The following MAD2L2 variants were observed in gnomAD, a reference collection of about 807,000 sequenced individuals.
The protein encoded by MAD2L2 is mitotic arrest deficient 2 like 2.
MAD2L2 carries 17 observed loss-of-function variants against 30.5 expected under a neutral mutation model. The observed-to-expected ratio is 0.56, with a 90% CI of 0.38 to 0.84. MAD2L2 has a LOEUF of 0.84. Among genes scored for constraint, MAD2L2 ranks in the 40% least tolerant of loss-of-function variants. The probability of loss-of-function intolerance (pLI) is 0.00; values close to 1 mark genes in which losing one functional copy is unlikely to be tolerated. For synonymous variants in MAD2L2, 101 were observed against 113.9 expected (o/e 0.89, Z 0.72); for missense variants, 213 against 277.4 (o/e 0.77, Z 1.65).
chr1:11,676,144 GGAGT>G lies in MAD2L2; in HGVS notation c.333-8_333-5del. ...ATGAGACAACAGCGAGTCTGAGCTG[GGAGT>G]GAGAGGAGGTCTTCCCATCACACTG... On this transcript the variant is annotated splice_region_variant and splice_polypyrimidine_tract_variant and intron_variant, in intron 5 of 8. Transcript: ENST00000376692. 1 of 1,580,330 alleles carries G rather than the reference GGAGT, an allele frequency of 6.3e-7. No homozygotes were observed. Among genetic ancestry groups the G allele is most frequent in the South Asian group, 1.2e-5 (1 of 86,688 alleles).
intron 3 of MAD2L2, among the ~76,000 whole-genome samples, chr1:11,679,278 C>T (rs997523994): frequency 3.9e-5 from 6 of 152,186 alleles, no homozygotes; most frequent in African/African-American, 7.2e-5. Flanking sequence ...GGACTTGAAG[C>T]GGGGACCACC....
At chr1:11,689,889 C>T (rs184985701) in intron 1 of MAD2L2, among the ~76,000 whole-genome samples, 7 of 152,076 alleles carry the variant, frequency 4.6e-5, no homozygotes, top group Admixed American at 6.5e-5. Context: ...TGTCACCTCA[C>T]TCTGTTCCAG....
At chr1:11,679,613 G>A (rs1238260657) in intron 3 of MAD2L2, among the ~76,000 whole-genome samples, 1 of 148,768 alleles carries the variant, frequency 6.7e-6, no homozygotes, top group Non-Finnish European at 1.5e-5. Flanking sequence ...TTCAACCTCT[G>A]CATCCCGGGT....
chr1:11,677,683 A>G, intron 3 of MAD2L2, 69 bp from the exon 4 acceptor site: 2 of 1,342,812 alleles, frequency 1.5e-6, no homozygotes, highest in South Asian at 2.4e-5. Flanking sequence ...CACAACCAGG[A>G]GCCTAAGGCC....
At position 11,674,652 on chromosome 1, in the gene MAD2L2, C is replaced by T. The variant is rs567967378; in HGVS notation, c.*123G>A. 1.9e-4 allele frequency: 202 copies of T among 1,053,348 alleles called. No homozygotes were observed. The African/African-American group carries it at 2.6e-3, about 13-fold the overall frequency. 65.3% of individuals were successfully genotyped at this position (1,053,348 alleles called of 1,614,324 possible). A position where few individuals can be genotyped will look rare whatever the true frequency, so the allele number is the denominator to read the frequency against. ...AGACCTGAGCGGCCCCGGGCTGGGG[C>T]GGGCGATCCACACACAGAGGCGATA... is the stretch of plus-strand genomic sequence containing the variant. On this transcript the variant is annotated 3_prime_UTR_variant, in exon 9 of 9. Coordinates refer to ENST00000376692, the MANE Select transcript of MAD2L2 (RefSeq NM_006341.4). The surrounding 1 kb of genome is among the most constrained non-coding windows in gnomAD (Gnocchi z 6.1).
rs1640793345 is a variant in MAD2L2, at chr1:11,677,593, T to C, written c.181A>G (p.Asn61Asp). Reference protein sequence around the residue: ...PVQMSCHPELNQYIQDTLHCV... With the variant: ...PVQMSCHPELDQYIQDTLHCV... ...TGCAGCGTGTCCTGGATATACTGAT[T>C]CAGCTCCGGGTGGCAGGACATCTGC... is the stretch of plus-strand genomic sequence containing the variant. The change falls in exon 4 of 9, where the codon AAT (asparagine) becomes GAT (aspartate). Residue 61 changes from asparagine to aspartate, a missense_variant. Coordinates refer to ENST00000376692, the MANE Select transcript of MAD2L2 (RefSeq NM_006341.4). 1.2e-6 allele frequency: 2 copies of C among 1,613,532 alleles called. No homozygotes were observed. Among genetic ancestry groups the C allele is most frequent in the Non-Finnish European group, 1.7e-6 (2 of 1,179,966 alleles).
At chr1:11,682,431 T>C (rs976686573), upstream of MAD2L2, among the ~76,000 whole-genome samples, 4 of 152,102 alleles carry the variant, frequency 2.6e-5, no homozygotes, top group African/African-American at 7.2e-5. Context: ...CAGCTCATTA[T>C]AGAAGACCTG....
chr1:11,680,640 T>TA, intron 1 of MAD2L2, 27 bp from the exon 2 acceptor site: 1 of 1,524,344 alleles, frequency 6.6e-7, no homozygotes, highest in South Asian at 1.3e-5. Flanking sequence ...GGGCAGAGGG[T>TA]AGTTCCAGAG....
chr1:11,676,951 G>A lies in MAD2L2; in HGVS notation c.232-3C>T. 6.2e-7 allele frequency: 1 copy of A among 1,610,550 alleles called. No homozygotes were observed. Among genetic ancestry groups the A allele is most frequent in the African/African-American group, 1.3e-5 (1 of 74,950 alleles). On this transcript the variant is annotated splice_polypyrimidine_tract_variant and splice_region_variant and intron_variant, in intron 4 of 8. Coordinates refer to ENST00000376692, the MANE Select transcript of MAD2L2 (RefSeq NM_006341.4). Reference sequence around the variant, plus strand: ...ACCACCACTTTCTCCACATCATTCTGCAAAGAGAGGAACCCCCACTGCAGA... The same window carrying A: ...ACCACCACTTTCTCCACATCATTCTACAAAGAGAGGAACCCCCACTGCAGA...
upstream of MAD2L2, among the ~76,000 whole-genome samples, chr1:11,685,450 A>C (rs971353647): frequency 6.6e-6 from 1 of 152,172 alleles, no homozygotes; most frequent in African/African-American, 2.4e-5. Flanking sequence ...GGGCTGTGGC[A>C]TGTTCCCTAT....
upstream of MAD2L2, chr1:11,681,860 C>G (rs981215176): frequency 1.3e-5 from 2 of 152,080 alleles, no homozygotes; most frequent in Non-Finnish European, 2.9e-5. Context: ...ATAAGTCAAG[C>G]GAGGTGCAGA....
rs1640979404 is a variant in MAD2L2 at position 11,687,458 on chromosome 1, TC to T, written c.-692+3954del. Among the ~76,000 whole-genome samples the T allele has an allele frequency of 6.6e-6, 1 of 152,216 alleles. No individual in the cohort carries two copies. The highest frequency in any genetic ancestry group is 2.4e-5 in the African/African-American group (1 of 41,460). On this transcript the variant is annotated intron_variant, in intron 1 of 10. Transcript: ENST00000235310. The surrounding 1 kb of genome is among the most constrained non-coding windows in gnomAD (Gnocchi z 4.1). ...TTTTGCCATATTGGCCAGGCTGGTC[TC>T]GAACTCCTGACCTCAGGTGACCCAC...
chr1:11,680,516 G>C, intron 2 of MAD2L2, 45 bp from the exon 3 acceptor site: 2 of 1,610,516 alleles, frequency 1.2e-6, no homozygotes, highest in Non-Finnish European at 1.7e-6. Context: ...GAAGCCCGCC[G>C]GCCCAGACGC....
rs1164616101 is a variant in MAD2L2, at chr1:11,680,394, C to T, written c.118G>A (p.Gly40Ser). The T allele has an allele frequency of 4.3e-6, 7 of 1,613,972 alleles. No individual in the cohort carries two copies. Among genetic ancestry groups the T allele is most frequent in the Non-Finnish European group, 5.9e-6 (7 of 1,179,972 alleles). The change falls in exon 3 of 9, where the codon GGC becomes AGC. Residue 40 changes from glycine (G) to serine (S), a missense_variant. Gly to Ser is a moderately conservative substitution (Grantham distance 56). Coordinates refer to ENST00000376692, the MANE Select transcript of MAD2L2 (RefSeq NM_006341.4). ...TACTTCTTGCGTTTCTGGAAGATGC[C>T]CACGGGGTAGACCTCGCGCACGTAG... ...ILYVREVYPVGIFQKRKKYNV... is the reference protein window; with the variant it reads ...ILYVREVYPVSIFQKRKKYNV...
chr1:11,676,639 C>T (rs28924111), intron 5 of MAD2L2, among the ~76,000 whole-genome samples: 33 of 152,332 alleles, frequency 2.2e-4, no homozygotes, highest in Non-Finnish European at 2.9e-4. Context: ...CTGGGCTCTG[C>T]CCCCACCCAG....
At chr1:11,677,051 C>T (rs1240656231) in intron 4 of MAD2L2, 103 bp from the exon 5 acceptor site, 2 of 869,770 alleles carry the variant, frequency 2.3e-6, no homozygotes, top group Admixed American at 2.0e-5. Context: ...ACGGCCCACT[C>T]ACAGCCCTGC....
upstream of MAD2L2, among the ~76,000 whole-genome samples, chr1:11,685,440 G>A (rs916000373): frequency 3.3e-5 from 5 of 152,154 alleles, no homozygotes; most frequent in Admixed American, 6.6e-5. Context: ...ACAAAAGCAA[G>A]GGCTGTGGCA....
exon 1 of MAD2L2, chr1:11,691,416 G>C (rs2100725040): frequency 6.6e-6 from 1 of 152,276 alleles, no homozygotes; most frequent in Non-Finnish European, 1.5e-5. Context: ...TACGCACCGG[G>C]AGGAGTGGGC....
upstream of MAD2L2, among the ~76,000 whole-genome samples, chr1:11,682,909 T>C (rs1035622772): frequency 6.6e-6 from 1 of 152,210 alleles, no homozygotes; most frequent in African/African-American, 2.4e-5. Context: ...GCACACATCA[T>C]GCCATTTCCA....
Sources: allele counts gnomAD v4.1 joint callset (sites outside exome capture counted in the v4.1 genomes callset), GRCh38; gene constraint gnomAD v4.1.1; non-coding constraint Gnocchi (gnomAD v3.1); transcripts MANE v1.5; gene names NCBI Gene and HGNC (gene_info 2026-07-23, HGNC 2026-07-21).